Variants in BMPR1A observed in about 807,000 individuals in gnomAD.
BMPR1A encodes the protein bone morphogenetic protein receptor type-1A.
BMPR1A carries 7 observed loss-of-function variants against 66.0 expected under a neutral mutation model. The observed-to-expected ratio is 0.11, with a 90% CI of 0.06 to 0.20. The LOEUF (loss-of-function observed/expected upper bound fraction) is 0.20, where lower values mean the gene tolerates loss of function less well. BMPR1A is among the 10% of genes least tolerant of loss of function. The pLI, the probability that BMPR1A is intolerant of heterozygous loss-of-function variation, is 1.00. For missense variants in BMPR1A, 408 were observed against 669.1 expected (o/e 0.61, Z 4.31); for synonymous variants, 200 against 229.7 (o/e 0.87, Z 1.17).
intron 3 of BMPR1A, among the ~76,000 whole-genome samples, chr10:86,881,540 C>G (rs1402041843): frequency 6.6e-6 from 1 of 152,196 alleles, no homozygotes; most frequent in African/African-American, 2.4e-5. Flanking sequence ...CCACAACATA[C>G]AGAGCAGCTG....
rs148783045 is a variant in BMPR1A, at chr10:86,895,150, C to A, written c.333+2921C>A. ...ATGACAGATGGTTTTCAATTGTTTG[C>A]TTTCAACCAAGTTGCTGGATCATTG... is the stretch of plus-strand genomic sequence containing the variant. On this transcript the variant is annotated intron_variant, in intron 5 of 12. Coordinates refer to ENST00000372037, the MANE Select transcript of BMPR1A (RefSeq NM_004329.3). Among the ~76,000 whole-genome samples, 255 of 152,316 alleles carry A rather than the reference C, an allele frequency of 1.7e-3. 1 individual carries two copies. The highest frequency in any genetic ancestry group is 5.9e-3 in the African/African-American group (245 of 41,568).
chr10:86,874,072 G>A (rs1158389278), intron 2 of BMPR1A, among the ~76,000 whole-genome samples: 1 of 152,210 alleles, frequency 6.6e-6, no homozygotes, highest in African/African-American at 2.4e-5. Context: ...GGGTCATTGT[G>A]TCATAAATAA....
intron 1 of BMPR1A, among the ~76,000 whole-genome samples, chr10:86,768,372 G>GC (rs993879228): frequency 1.3e-5 from 2 of 151,906 alleles, no homozygotes; most frequent in Admixed American, 6.6e-5. Flanking sequence ...TTAAAGATGT[G>GC]CCCCCCACCC....
intron 1 of BMPR1A, among the ~76,000 whole-genome samples, chr10:86,791,819 C>A (rs945407949): frequency 2.7e-5 from 4 of 147,702 alleles, no homozygotes; most frequent in African/African-American, 7.5e-5. Flanking sequence ...CCCCTGGGTT[C>A]AAGCATTTCT....
intron 1 of BMPR1A, among the ~76,000 whole-genome samples, chr10:86,782,085 A>G (rs1167316715): frequency 6.7e-6 from 1 of 149,688 alleles, no homozygotes; most frequent in Admixed American, 6.6e-5. Flanking sequence ...CTGGTCTTGA[A>G]CTCCTGACCT....
rs1843756803 is a variant in BMPR1A, at chr10:86,927,062, A to C, written c.*3343A>C. Reference sequence around the variant, plus strand: ...CTTTCCAGTGTCCAGAAGTGTTTCTAAACTTAGAAAGTGACCTATAGTTTT... The same window carrying C: ...CTTTCCAGTGTCCAGAAGTGTTTCTCAACTTAGAAAGTGACCTATAGTTTT... On this transcript the variant is annotated 3_prime_UTR_variant, in exon 13 of 13. Coordinates refer to ENST00000372037, the MANE Select transcript of BMPR1A (RefSeq NM_004329.3). The C allele has an allele frequency of 5.4e-6, 1 of 186,750 alleles. No homozygotes were observed. The highest frequency in any genetic ancestry group is 1.1e-5 in the Non-Finnish European group (1 of 88,512). 11.6% of individuals were successfully genotyped at this position (186,750 alleles called of 1,614,324 possible).
chr10:86,912,490 AT>A (rs778333819), intron 8 of BMPR1A, 106 bp downstream of exon 8: 48 of 1,402,020 alleles, frequency 3.4e-5, no homozygotes, highest in East Asian at 3.2e-4. Flanking sequence ...TAATGGACAC[AT>A]TTTTTTCTCC....
intron 2 of BMPR1A, among the ~76,000 whole-genome samples, chr10:86,857,820 CTT>C (rs35971727): frequency 8.8e-4 from 129 of 147,140 alleles, no homozygotes; most frequent in Admixed American, 2.4e-3. Context: ...TTATTCGTTT[CTT>C]TTTTTTTTTA....
At chr10:86,879,647 C>T (rs1842962176) in intron 3 of BMPR1A, among the ~76,000 whole-genome samples, 1 of 152,178 alleles carries the variant, frequency 6.6e-6, no homozygotes, top group South Asian at 2.1e-4. Flanking sequence ...TCAAAGGGTT[C>T]TATACCCCAG....
intron 4 of BMPR1A, among the ~76,000 whole-genome samples, chr10:86,890,885 G>A (rs546435546): frequency 6.6e-6 from 1 of 152,238 alleles, no homozygotes; most frequent in Admixed American, 6.5e-5. Flanking sequence ...CGTGTTAGCT[G>A]CACAACATGT....
rs769233029 is a variant in BMPR1A, at chr10:86,923,693, G to A, written c.1573G>A (p.Val525Ile). Reference protein sequence around the residue: ...LRIKKTLAKMVESQDVKI With the variant: ...LRIKKTLAKMIESQDVKI ...AATTAAGAAGACGCTTGCCAAGATG[G>A]TTGAATCCCAAGATGTAAAAATCTG... The change falls in exon 13 of 13, where the codon GTT becomes ATT. Residue 525 changes from valine to isoleucine, a missense_variant. By Grantham distance (29) the Val-to-Ile change is conservative (BLOSUM62 3). Transcript: ENST00000372037. 8.7e-6 allele frequency: 14 copies of A among 1,613,908 alleles called. No homozygotes were observed. In the South Asian group the frequency reaches 1.5e-4, roughly 18 times the overall value.
At chr10:86,819,653 C>T (rs977961696) in intron 1 of BMPR1A, among the ~76,000 whole-genome samples, 2 of 152,196 alleles carry the variant, frequency 1.3e-5, no homozygotes, top group African/African-American at 2.4e-5. Flanking sequence ...GAAATTTATG[C>T]TTGAAGCCTA....
At chr10:86,858,105 A>G (rs1164539684) in intron 2 of BMPR1A, among the ~76,000 whole-genome samples, 2 of 152,202 alleles carry the variant, frequency 1.3e-5, no homozygotes, top group Non-Finnish European at 2.9e-5. Context: ...CTTAATATGA[A>G]TTAGTATTAA....
chr10:86,790,173 AAAAAAAAAAAAAAAAATATATATATAT>A (rs1333651054), intron 1 of BMPR1A, among the ~76,000 whole-genome samples: 6 of 37,876 alleles, frequency 1.6e-4, no homozygotes, highest in East Asian at 6.0e-4. Flanking sequence ...AAAAAAAAAA[AAAAAAAAAAAAAAAAATATATATATAT>A]ATATATATAT....
chr10:86,840,795 C>T (rs1173343445), intron 2 of BMPR1A, among the ~76,000 whole-genome samples: 1 of 152,182 alleles, frequency 6.6e-6, no homozygotes, highest in East Asian at 1.9e-4. Flanking sequence ...GATTCCTCAT[C>T]ATTTGCTTCC....
Position 86,905,197 on chromosome 10 carries a change from C to T in BMPR1A, c.530+5071C>T, listed in dbSNP as rs78073636. The stretch of plus-strand genomic sequence containing the variant: ...ATTTACATTCATGACCCATGATCCT[C>T]AAAACCTATACCTTCTCTAAAACCT... On this transcript the variant is annotated intron_variant, in intron 7 of 12. Coordinates refer to ENST00000372037, the MANE Select transcript of BMPR1A (RefSeq NM_004329.3). 1.4e-4 allele frequency among the ~76,000 whole-genome samples: 21 copies of T among 152,288 alleles called. No homozygotes were observed. In the East Asian group the frequency reaches 4.1e-3, roughly 29 times the overall value.
In BMPR1A at chr10:86,925,769, G is replaced by A. The variant is rs369249435; in HGVS notation, c.*2050G>A. Reference sequence around the variant, plus strand: ...GGAGTCTCGCTCTGTCGCCCAGGCTGGACTGCGGACTGCAGTGGCGCAATC... The same window carrying A: ...GGAGTCTCGCTCTGTCGCCCAGGCTAGACTGCGGACTGCAGTGGCGCAATC... On this transcript the variant is annotated 3_prime_UTR_variant, in exon 13 of 13. Coordinates refer to ENST00000372037, the MANE Select transcript of BMPR1A (RefSeq NM_004329.3). 7.3e-6 allele frequency: 1 copy of A among 137,352 alleles called. No individual in the cohort carries two copies. Among genetic ancestry groups the A allele is most frequent in the East Asian group, 2.0e-4 (1 of 5,034 alleles). The allele number at this position is 137,352 out of a possible 1,614,324, so 8.5% of individuals were successfully genotyped here.
chr10:86,805,619 G>A (rs1249035323), intron 1 of BMPR1A, among the ~76,000 whole-genome samples: 3 of 151,878 alleles, frequency 2.0e-5, no homozygotes, highest in African/African-American at 7.3e-5. Context: ...GTGCCACCAC[G>A]CTGGGCTAAT....
chr10:86,790,454 T>C lies in BMPR1A; in HGVS notation c.-268+33535T>C, dbSNP rs140574578. 6.5e-4 allele frequency among the ~76,000 whole-genome samples: 99 copies of C among 151,906 alleles called. No individual in the cohort carries two copies. The East Asian group carries it at 0.019, about 29-fold the overall frequency. ...GATCCAGCAGTTCCACTCCTAGATA[T>C]ATATCCAAAAGCATTAAAAACATGT... On this transcript the variant is annotated intron_variant, in intron 1 of 12. Coordinates refer to ENST00000372037, the MANE Select transcript of BMPR1A (RefSeq NM_004329.3).
Sources: gnomAD v4.1 joint callset for allele counts (sites outside exome capture counted in the v4.1 genomes callset) on GRCh38, gnomAD v4.1.1 for gene constraint, MANE v1.5 for transcripts, NCBI Gene and HGNC (gene_info 2026-07-23, HGNC 2026-07-21) for gene names.